Variants in XPNPEP2 observed in about 807,000 individuals in gnomAD.
XPNPEP2 encodes the protein xaa-Pro aminopeptidase 2.
XPNPEP2 carries 64 observed loss-of-function variants against 59.8 expected under a neutral mutation model. The observed-to-expected ratio is 1.07, with a 90% CI of 0.87 to 1.32. The LOEUF (loss-of-function observed/expected upper bound fraction) is 1.32. XPNPEP2 is among the 40% of genes most tolerant of loss of function. The pLI, the probability that XPNPEP2 is intolerant of heterozygous loss-of-function variation, is 0.00. For synonymous variants in XPNPEP2, 235 were observed against 210.0 expected (o/e 1.12, Z -1.03); for missense variants, 575 against 546.8 (o/e 1.05, Z -0.51).
In XPNPEP2 at chrX:129,739,034, T is replaced by A; in HGVS notation, c.-180T>A. The stretch of plus-strand genomic sequence containing the variant: ...CTGCCCACCCTGGCTCCCAGAGCCC[T>A]CCAAAACAAAAGACCAGAGAAGCAC... On this transcript the variant is annotated 5_prime_UTR_variant, in exon 1 of 21. Coordinates refer to ENST00000371106, the MANE Select transcript of XPNPEP2 (RefSeq NM_003399.6). 2.0e-6 allele frequency: 1 copy of A among 491,368 alleles called. No homozygotes were observed. The allele number at this position is 491,368 out of a possible 1,213,427, so 40.5% of individuals were successfully genotyped here.
chrX:129,769,021 G>A lies in XPNPEP2; in HGVS notation c.*536G>A, dbSNP rs1364303488. On this transcript the variant is annotated 3_prime_UTR_variant, in exon 21 of 21. Coordinates refer to ENST00000371106, the MANE Select transcript of XPNPEP2 (RefSeq NM_003399.6). ...TGGGTAGGCTCCATGCCAAGTAACA[G>A]CAGAGGGAGTTAAGCCATAGGAATT... 1 of 112,513 alleles carries A rather than the reference G, an allele frequency of 8.9e-6. No homozygotes were observed. Among genetic ancestry groups the A allele is most frequent in the Non-Finnish European group, 1.9e-5 (1 of 53,387 alleles). The allele number at this position is 112,513 out of a possible 1,213,427, so 9.3% of individuals were successfully genotyped here.
Position 129,761,392 on chromosome X carries a change from C to G in XPNPEP2, c.1603+116C>G, listed in dbSNP as rs1371495461. The G allele has an allele frequency of 5.0e-6, 3 of 602,038 alleles. No homozygotes were observed. In the African/African-American group the frequency reaches 6.8e-5, roughly 14 times the overall value. 49.6% of individuals were successfully genotyped at this position (602,038 alleles called of 1,213,427 possible). A position where few individuals can be genotyped will look rare whatever the true frequency, so the allele number is the denominator to read the frequency against. ...GACCCACAAAGATGCCATGATCTAC[C>G]CAAGGTTACCCAGCTCCACAGGGTA... On this transcript the variant is annotated intron_variant, in intron 17 of 20. Coordinates refer to ENST00000371106, the MANE Select transcript of XPNPEP2 (RefSeq NM_003399.6).
chrX:129,751,574 GAAAGAAAGAAAGA>G (rs1569476556), intron 8 of XPNPEP2, among the ~76,000 whole-genome samples, 158 bp from the exon 9 acceptor site: 24 of 71,917 alleles, frequency 3.3e-4, no homozygotes, highest in African/African-American at 9.1e-4. Flanking sequence ...AAGAAAGAAA[GAAAGAAAGAAAGA>G]AAGAAAGAAA....
At position 129,762,052 on chromosome X, in the gene XPNPEP2, G is replaced by A. The variant is rs752346529; in HGVS notation, c.1650G>A (p.Met550Ile). 1.7e-6 allele frequency: 2 copies of A among 1,211,739 alleles called. No homozygotes were observed. Among genetic ancestry groups the A allele is most frequent in the Non-Finnish European group, 2.2e-6 (2 of 895,331 alleles). Reference protein sequence around the residue: ...QSNNIAMAKGMFTSIEPGYYK... With the variant: ...QSNNIAMAKGIFTSIEPGYYK... ...ACAACATCGCTATGGCCAAGGGCATGTTCACTTCCATTGGTATGGCCCTCA... is the reference window on the plus strand; with the variant it reads ...ACAACATCGCTATGGCCAAGGGCATATTCACTTCCATTGGTATGGCCCTCA... Residue 550 changes from methionine (M) to isoleucine (I), a missense_variant, in exon 18 of 21, where the codon ATG becomes ATA. By Grantham distance (10) the Met-to-Ile change is conservative. Transcript: ENST00000371106.
chrX:129,760,645 A>G, intron 16 of XPNPEP2, 64 bp downstream of exon 16: 1 of 1,098,257 alleles, frequency 9.1e-7, no homozygotes, highest in Non-Finnish European at 1.2e-6. Flanking sequence ...TCAGACCATC[A>G]CCCTGGGAGG....
Position 129,752,251 on chromosome X carries a change from T to A in XPNPEP2, c.923T>A (p.Val308Asp). ...GTGCAAATCGAGGATTACAGCCAAG[T>A]TCGTGACAGCATCCAGGCCTACTCA... ...MCVQIEDYSQ[V>D]RDSIQAYSLG... Residue 308 changes from valine to aspartate, a missense_variant, in exon 10 of 21, where the codon GTT (valine) becomes GAT (aspartate). By Grantham distance (152) the Val-to-Asp change is radical. Transcript: ENST00000371106. 1.7e-6 allele frequency: 2 copies of A among 1,211,851 alleles called. No homozygotes were observed. Among genetic ancestry groups the A allele is most frequent in the African/African-American group, 3.5e-5 (2 of 57,807 alleles).
At position 129,768,408 on chromosome X, in the gene XPNPEP2, G is replaced by A. The variant is rs755433388; in HGVS notation, c.1948G>A (p.Ala650Thr). Residue 650 changes from alanine to threonine, a missense_variant, in exon 21 of 21, where the codon GCC becomes ACC. Physicochemically the swap from Ala to Thr is moderately conservative, Grantham distance 58. Transcript: ENST00000371106. Reference sequence around the variant, plus strand: ...TCAACAGCACACAGAGCCCCTGGCCGCCAGGGCCCCAGACACCGCCTCCTG... The same window carrying A: ...TCAACAGCACACAGAGCCCCTGGCCACCAGGGCCCCAGACACCGCCTCCTG... The part of the protein sequence containing the change: ...WLQQHTEPLA[A>T]RAPDTASWAS... The A allele has an allele frequency of 1.2e-5, 15 of 1,206,303 alleles. No homozygotes were observed. Among genetic ancestry groups the A allele is most frequent in the African/African-American group, 7.0e-5 (4 of 56,749 alleles).
At chrX:129,762,906 T>A in intron 19 of XPNPEP2, 136 bp downstream of exon 19, 4 of 551,029 alleles carry the variant, frequency 7.3e-6, no homozygotes, top group Non-Finnish European at 9.2e-6. Context: ...GGAGTCTTCC[T>A]TAGGAATTCC....
At chrX:129,756,870 C>T (rs184742988) in intron 14 of XPNPEP2, among the ~76,000 whole-genome samples, 4 of 106,493 alleles carry the variant, frequency 3.8e-5, no homozygotes, top group East Asian at 3.0e-4. Context: ...CTCACTCTGT[C>T]GCCCAGGTTT....
rs764862316 is a variant in XPNPEP2, at chrX:129,753,954, A to T, written c.1108-518A>T. 1.8e-4 allele frequency among the ~76,000 whole-genome samples: 20 copies of T among 112,469 alleles called. No homozygotes were observed. The East Asian group carries it at 4.4e-3, about 25-fold the overall frequency. ...CTCTGAGCACCACCTAGCACATTCT[A>T]AGTGTTAAATAAGTGTTAGCTATAA... On this transcript the variant is annotated intron_variant, in intron 11 of 20. Transcript: ENST00000371106.
chrX:129,753,605 T>G (rs1926462271), intron 11 of XPNPEP2, among the ~76,000 whole-genome samples: 1 of 110,604 alleles, frequency 9.0e-6, no homozygotes, highest in Admixed American at 9.7e-5. Flanking sequence ...ATCATGCCAC[T>G]GCACTCCAGC....
intron 18 of XPNPEP2, 121 bp downstream of exon 18, chrX:129,762,186 T>A: frequency 1.3e-6 from 1 of 742,369 alleles, no homozygotes; most frequent in Admixed American, 2.4e-5. Context: ...AGCTCGGGAC[T>A]CACCTCCCCA....
At position 129,750,457 on chromosome X, in the gene XPNPEP2, T is replaced by C; in HGVS notation, c.638-11T>C. On this transcript the variant is annotated splice_polypyrimidine_tract_variant and intron_variant, in intron 7 of 20. Coordinates refer to ENST00000371106, the MANE Select transcript of XPNPEP2 (RefSeq NM_003399.6). ...GTCACTTACACTTTTTTGGGGCTCCTTTGCTTCTAGGGAGCACTTGGCAGG... is the reference window on the plus strand; with the variant it reads ...GTCACTTACACTTTTTTGGGGCTCCCTTGCTTCTAGGGAGCACTTGGCAGG... 2 of 1,181,742 alleles carry C rather than the reference T, an allele frequency of 1.7e-6. No individual in the cohort carries two copies. The highest frequency in any genetic ancestry group is 2.3e-6 in the Non-Finnish European group (2 of 878,365).
chrX:129,758,942 T>C (rs1471321897), intron 14 of XPNPEP2, among the ~76,000 whole-genome samples: 1 of 107,921 alleles, frequency 9.3e-6, no homozygotes, highest in Non-Finnish European at 1.9e-5. Context: ...GGGGGAGGAG[T>C]GTGTAGGGTG....
chrX:129,765,432 G>A (rs1926731137), intron 19 of XPNPEP2, among the ~76,000 whole-genome samples: 1 of 111,017 alleles, frequency 9.0e-6, no homozygotes, highest in Admixed American at 9.6e-5. Context: ...TTTTTAATAG[G>A]TAATTTGATA....
At chrX:129,747,829 TTCA>T (rs1926329636) in intron 7 of XPNPEP2, 76 bp downstream of exon 7, 1 of 1,184,539 alleles carries the variant, frequency 8.4e-7, no homozygotes, top group Non-Finnish European at 1.1e-6. Context: ...GGTGGCAAAC[TTCA>T]TCATCAGAGG....
intron 18 of XPNPEP2, 32 bp downstream of exon 18, chrX:129,762,097 C>T (rs1477814918): frequency 2.5e-6 from 3 of 1,197,130 alleles, no homozygotes; most frequent in Admixed American, 2.2e-5. Context: ...ACCTCACCAC[C>T]CCATCCCAGA....
rs1926473760 is a variant in XPNPEP2, at chrX:129,754,245, T to C, written c.1108-227T>C. ...CTCTGCTGCTGGATTCTTTTAAAAG[T>C]AAATCCTAGATAGTGTGTCATTTCT... On this transcript the variant is annotated intron_variant, in intron 11 of 20. Transcript: ENST00000371106. 2.7e-5 allele frequency among the ~76,000 whole-genome samples: 3 copies of C among 112,400 alleles called. No individual in the cohort carries two copies. In the South Asian group the frequency reaches 1.1e-3, roughly 41 times the overall value.
chrX:129,753,571 A>T (rs779005599), intron 11 of XPNPEP2, among the ~76,000 whole-genome samples: 1 of 111,332 alleles, frequency 9.0e-6, no homozygotes, highest in African/African-American at 3.3e-5. Flanking sequence ...TGAACCTGGG[A>T]AGTAGAGGTT....
Sources: gnomAD v4.1 joint callset for allele counts (sites outside exome capture counted in the v4.1 genomes callset) on GRCh38, gnomAD v4.1.1 for gene constraint, MANE v1.5 for transcripts, NCBI Gene and HGNC (gene_info 2026-07-23, HGNC 2026-07-21) for gene names.